Variants in ST14 observed in about 807,000 individuals in gnomAD.
ST14 encodes the protein ST14 transmembrane serine protease matriptase.
Under a neutral mutation model 96.5 loss-of-function variants are expected in ST14, and 40 were observed. The ratio of observed to expected loss-of-function variants is 0.41; its 90% CI spans 0.32 to 0.54. ST14 has a LOEUF of 0.54. Ranked by LOEUF, ST14 falls within the 20% of genes least tolerant of loss-of-function variation. The probability of loss-of-function intolerance (pLI) is 0.17; values close to 1 mark genes in which losing one functional copy is unlikely to be tolerated. For synonymous variants in ST14, 506 were observed against 492.1 expected, an observed-to-expected ratio of 1.03 and a Z score of -0.37; for missense variants, 1,066 against 1,188.9, an observed-to-expected ratio of 0.90 and a Z score of 1.52.
Position 130,194,275 on chromosome 11 carries a change from G to A in ST14, c.1002G>A (p.Leu334=). 1 of 1,614,188 alleles carries A rather than the reference G, an allele frequency of 6.2e-7. No homozygotes were observed. Among genetic ancestry groups the A allele is most frequent in the East Asian group, 2.2e-5 (1 of 44,872 alleles). The change falls in exon 8 of 19, where the codon CTG becomes CTA. Residue 334 remains leucine, a synonymous_variant. Coordinates refer to ENST00000278742, the MANE Select transcript of ST14 (RefSeq NM_021978.4). ...GCTTTGAGGCCACCTTCTTCCAGCT[G>A]CCTAGGATGAGCAGTAAGGAAGGGC... ...HPGFEATFFQ[L]PRMSSCGGRL...
At position 130,196,418 on chromosome 11, in the gene ST14, C is replaced by A; in HGVS notation, c.1193C>A (p.Pro398His). The part of the protein sequence containing the change: ...LEPGVPAGTC[P>H]KDYVEINGEK... ...CCCGGCGTGCCTGCGGGCACCTGCC[C>A]CAAGGACTACGTGGAGATCAACGGG... The change falls in exon 10 of 19, where the codon CCC becomes CAC. Residue 398 changes from proline (P) to histidine (H), a missense_variant. Coordinates refer to ENST00000278742, the MANE Select transcript of ST14 (RefSeq NM_021978.4). 6.2e-7 allele frequency: 1 copy of A among 1,610,510 alleles called. No individual in the cohort carries two copies. Among genetic ancestry groups the A allele is most frequent in the South Asian group, 1.1e-5 (1 of 90,224 alleles).
intron 9 of ST14, 24 bp downstream of exon 9, chr11:130,194,761 C>T (rs548835219): frequency 8.9e-6 from 14 of 1,579,896 alleles, no homozygotes; most frequent in East Asian, 2.3e-5. Context: ...GGCGTGTGAA[C>T]GTGTGTGTGT....
intron 14 of ST14, 98 bp downstream of exon 14, chr11:130,198,719 C>T (rs1953396302): frequency 3.7e-6 from 5 of 1,350,982 alleles, no homozygotes; most frequent in Admixed American, 3.9e-5. Flanking sequence ...GTTTAATGAA[C>T]ACAAACCACC....
intron 16 of ST14, among the ~76,000 whole-genome samples, chr11:130,201,415 G>A (rs1341500463): frequency 6.6e-6 from 1 of 152,350 alleles, no homozygotes; most frequent in East Asian, 1.9e-4. Flanking sequence ...GCTGCCCTTT[G>A]CAGGGAGGAG....
chr11:130,168,966 T>C (rs1033774120), intron 1 of ST14, among the ~76,000 whole-genome samples: 14 of 151,792 alleles, frequency 9.2e-5, no homozygotes, highest in African/African-American at 3.1e-4. Flanking sequence ...GAAATATGAC[T>C]CAGCACTGAA....
chr11:130,188,408 A>C lies in ST14; in HGVS notation c.242-122A>C. On this transcript the variant is annotated intron_variant, in intron 2 of 18. Transcript: ENST00000278742. This position sits in a 1 kb window ranked among gnomAD's most constrained non-coding sequence, Gnocchi z 5.4. ...CTCTCTGGAACCCTGATGGGGAGTG[A>C]TGGGAAGCAGTCAGGGCTGACCCAT... The C allele has an allele frequency of 6.3e-7, 1 of 1,590,598 alleles. No homozygotes were observed. The highest frequency in any genetic ancestry group is 1.1e-5 in the South Asian group (1 of 89,390).
At position 130,188,195 on chromosome 11, in the gene ST14, T is replaced by C. The variant is rs1441624910; in HGVS notation, c.163T>C (p.Trp55Arg). ...GGTGGAAAAGCATGGCCCGGGGCGC[T>C]GGGTGGTGCTGGCAGCCGTGCTGAT... ...KKVEKHGPGRWVVLAAVLIGL... is the reference protein window; with the variant it reads ...KKVEKHGPGRRVVLAAVLIGL... The change falls in exon 2 of 19, where the codon TGG (tryptophan) becomes CGG (arginine). Residue 55 changes from tryptophan to arginine, a missense_variant. Physicochemically the swap from Trp to Arg is moderately radical, Grantham distance 101. Coordinates refer to ENST00000278742, the MANE Select transcript of ST14 (RefSeq NM_021978.4). The surrounding 1 kb of genome is among the most constrained non-coding windows in gnomAD (Gnocchi z 5.4). The C allele has an allele frequency of 6.2e-7, 1 of 1,614,120 alleles. No individual in the cohort carries two copies. Among genetic ancestry groups the C allele is most frequent in the Non-Finnish European group, 8.5e-7 (1 of 1,180,008 alleles).
chr11:130,204,686 C>T (rs949345569), intron 16 of ST14, among the ~76,000 whole-genome samples: 2 of 151,794 alleles, frequency 1.3e-5, no homozygotes, highest in African/African-American at 4.8e-5. Context: ...GTGGCATGCA[C>T]CTGCACTCCC....
chr11:130,168,092 GC>G (rs1241598639), intron 1 of ST14, among the ~76,000 whole-genome samples: 1 of 152,138 alleles, frequency 6.6e-6, no homozygotes, highest in East Asian at 1.9e-4. Context: ...ATTTTTGATT[GC>G]CTTATAAGCT....
At chr11:130,168,428 C>T (rs970344516) in intron 1 of ST14, among the ~76,000 whole-genome samples, 5 of 152,150 alleles carry the variant, frequency 3.3e-5, no homozygotes, top group African/African-American at 7.2e-5. Flanking sequence ...AGAGAGCACA[C>T]GAGCACCGAT....
chr11:130,201,479 C>T (rs951977632), intron 16 of ST14, among the ~76,000 whole-genome samples: 1 of 152,260 alleles, frequency 6.6e-6, no homozygotes, highest in Non-Finnish European at 1.5e-5. Context: ...TGTGCTCAGA[C>T]CCATGCACAG....
chr11:130,160,272 G>A (rs1367925643), intron 1 of ST14, among the ~76,000 whole-genome samples: 1 of 152,120 alleles, frequency 6.6e-6, no homozygotes, highest in Non-Finnish European at 1.5e-5. Context: ...CCGCCAGGGG[G>A]AGGCGGGAAG....
intron 1 of ST14, among the ~76,000 whole-genome samples, chr11:130,183,804 A>T (rs1177825908): frequency 2.0e-5 from 3 of 152,168 alleles, no homozygotes; most frequent in Non-Finnish European, 4.4e-5. Flanking sequence ...TTCATTGCTG[A>T]TATGCCAGTA....
intron 16 of ST14, among the ~76,000 whole-genome samples, chr11:130,203,684 C>T (rs1368769367): frequency 6.6e-6 from 1 of 152,086 alleles, no homozygotes; most frequent in African/African-American, 2.4e-5. Flanking sequence ...CCGAGTTTCA[C>T]TTTTGTTGCC....
At chr11:130,176,697 T>G (rs1480085849) in intron 1 of ST14, among the ~76,000 whole-genome samples, 1 of 151,654 alleles carries the variant, frequency 6.6e-6, no homozygotes, top group Non-Finnish European at 1.5e-5. Context: ...CTACTTTTCC[T>G]TAAAATTCCT....
At position 130,197,826 on chromosome 11, in the gene ST14, T is replaced by C. The variant is rs1275408520; in HGVS notation, c.1355-15T>C. On this transcript the variant is annotated splice_polypyrimidine_tract_variant and intron_variant, in intron 11 of 18. Coordinates refer to ENST00000278742, the MANE Select transcript of ST14 (RefSeq NM_021978.4). ...GGGTGGGTGCTGGGGGCCTCAGGCC[T>C]GCCTGTGCCCGCAGCATGCCCGGGG... is the stretch of plus-strand genomic sequence containing the variant. 1.3e-6 allele frequency: 2 copies of C among 1,552,142 alleles called. No individual in the cohort carries two copies. Among genetic ancestry groups the C allele is most frequent in the African/African-American group, 1.4e-5 (1 of 73,766 alleles).
intron 1 of ST14, among the ~76,000 whole-genome samples, chr11:130,164,384 C>A (rs1200863995): frequency 7.3e-5 from 11 of 151,584 alleles, no homozygotes; most frequent in Non-Finnish European, 1.6e-4. Context: ...TCTTTGAGAC[C>A]AAGTATTACC....
chr11:130,210,112 C>G lies in ST14; in HGVS notation c.*289C>G. The G allele has an allele frequency of 4.6e-6, 2 of 435,578 alleles. No homozygotes were observed. The highest frequency in any genetic ancestry group is 3.7e-5 in the Admixed American group (1 of 27,014). 27.0% of individuals were successfully genotyped at this position (435,578 alleles called of 1,614,324 possible). On this transcript the variant is annotated 3_prime_UTR_variant, in exon 19 of 19. Coordinates refer to ENST00000278742, the MANE Select transcript of ST14 (RefSeq NM_021978.4). The stretch of plus-strand genomic sequence containing the variant: ...CCGCCAGCCCCAAGCTGGGCCGAGG[C>G]GCGTTTGTGCATATCTGCCTCCCCT...
At chr11:130,162,940 T>C (rs12575758) in intron 1 of ST14, among the ~76,000 whole-genome samples, 20,251 of 152,170 alleles carry the variant, frequency 0.13, 1,695 homozygotes, top group East Asian at 0.36. Flanking sequence ...GAGATGTTAC[T>C]CAATATCTCT....
Sources: allele counts gnomAD v4.1 joint callset (sites outside exome capture counted in the v4.1 genomes callset), GRCh38; gene constraint gnomAD v4.1.1; non-coding constraint Gnocchi (gnomAD v3.1); transcripts MANE v1.5; gene names NCBI Gene and HGNC (gene_info 2026-07-23, HGNC 2026-07-21).